Variants in GRID2 observed in about 807,000 individuals in gnomAD.
The protein encoded by GRID2 is glutamate ionotropic receptor delta type subunit 2.
GRID2 carries 33 observed loss-of-function variants against 114.8 expected under a neutral mutation model. The observed-to-expected ratio is 0.29, with a 90% confidence interval of 0.22 to 0.38. GRID2 has a LOEUF of 0.38. GRID2 is among the 10% of genes least tolerant of loss of function. The pLI, the probability that GRID2 is intolerant of heterozygous loss-of-function variation, is 1.00. For missense variants in GRID2, 1,184 were observed against 1,257.7 expected, an observed-to-expected ratio of 0.94 and a Z score of 0.89; for synonymous variants, 505 against 449.9, an observed-to-expected ratio of 1.12 and a Z score of -1.55.
chr4:92,548,488 G>A (rs912097505), intron 1 of GRID2, among the ~76,000 whole-genome samples: 5 of 136,398 alleles, frequency 3.7e-5, no homozygotes, highest in Non-Finnish European at 6.1e-5. Context: ...TGCAACCTCC[G>A]CCTGCCGGGT....
intron 13 of GRID2, among the ~76,000 whole-genome samples, chr4:93,563,143 GA>G (rs1221649984): frequency 2.6e-5 from 4 of 152,004 alleles, no homozygotes; most frequent in Admixed American, 1.3e-4. Flanking sequence ...GAAATACACT[GA>G]ATTATTAAAA....
chr4:92,594,517 G>A (rs1315966601), intron 2 of GRID2, among the ~76,000 whole-genome samples: 1 of 151,870 alleles, frequency 6.6e-6, no homozygotes, highest in Non-Finnish European at 1.5e-5. Flanking sequence ...TGTCCCTTTA[G>A]AGAAAGTTTC....
rs904327762 is a variant in GRID2 at position 92,590,206 on chromosome 4, A to C, written c.164A>C (p.Glu55Ala). Reference sequence around the variant, plus strand: ...GCGGTTGGTGACCTTAACCAGAATGAGGAGATCTTACAGACTGAGAAAATC... The same window carrying C: ...GCGGTTGGTGACCTTAACCAGAATGCGGAGATCTTACAGACTGAGAAAATC... ...RTAVGDLNQNEEILQTEKITF... is the reference protein window; with the variant it reads ...RTAVGDLNQNAEILQTEKITF... Residue 55 changes from glutamate (E) to alanine (A), a missense_variant, in exon 2 of 16, where the codon GAG becomes GCG. This residue lies in a region of GRID2 where 455 missense variants were observed against 429.5 expected (regional missense o/e 1.06). Coordinates refer to ENST00000282020, the MANE Select transcript of GRID2 (RefSeq NM_001510.4). 1 of 1,611,454 alleles carries C rather than the reference A, an allele frequency of 6.2e-7. No homozygotes were observed. Among genetic ancestry groups the C allele is most frequent in the Non-Finnish European group, 8.5e-7 (1 of 1,177,682 alleles).
At chr4:92,831,126 A>AT (rs532111910) in intron 2 of GRID2, among the ~76,000 whole-genome samples, 182 of 152,276 alleles carry the variant, frequency 1.2e-3, no homozygotes, top group Non-Finnish European at 2.2e-3. Context: ...AGATTCTAGG[A>AT]TTTTTTCCCA....
At chr4:93,802,475 A>G (rs1734952254) in intron 1 of GRID2, among the ~76,000 whole-genome samples, 1 of 152,142 alleles carries the variant, frequency 6.6e-6, no homozygotes, top group African/African-American at 2.4e-5. Context: ...ATGAGGTGTT[A>G]CTAGTACCTC....
chr4:92,529,438 C>G (rs1055622051), intron 1 of GRID2, among the ~76,000 whole-genome samples: 2 of 152,024 alleles, frequency 1.3e-5, no homozygotes, highest in African/African-American at 4.8e-5. Flanking sequence ...CATTGAATAG[C>G]TGAATTTGAA....
At chr4:92,724,624 G>A (rs188251157) in intron 2 of GRID2, among the ~76,000 whole-genome samples, 1 of 152,224 alleles carries the variant, frequency 6.6e-6, no homozygotes, top group African/African-American at 2.4e-5. Flanking sequence ...ATAGACAAAA[G>A]CACAAATGTG....
chr4:92,739,036 A>T (rs1163484718), intron 2 of GRID2, among the ~76,000 whole-genome samples: 3 of 152,178 alleles, frequency 2.0e-5, no homozygotes, highest in Admixed American at 6.6e-5. Flanking sequence ...AAAAACAGGA[A>T]AACAGATATT....
chr4:92,993,753 AC>A (rs1313604362), intron 2 of GRID2, among the ~76,000 whole-genome samples: 1 of 152,204 alleles, frequency 6.6e-6, no homozygotes, highest in Non-Finnish European at 1.5e-5. Context: ...TACTTGTTCA[AC>A]ACTATTTGTT....
intron 4 of GRID2, among the ~76,000 whole-genome samples, chr4:93,145,132 C>G (rs1221411136): frequency 6.6e-6 from 1 of 152,190 alleles, no homozygotes; most frequent in East Asian, 1.9e-4. Flanking sequence ...GTTGCAGTCT[C>G]AGAGAGACCC....
At chr4:93,659,075 G>A (rs547490473) in intron 14 of GRID2, among the ~76,000 whole-genome samples, 19 of 152,140 alleles carry the variant, frequency 1.2e-4, no homozygotes, top group South Asian at 4.2e-4. Flanking sequence ...ACAGTCTAGC[G>A]TAGCAATTTA....
At chr4:93,628,056 CTCA>C (rs1742886964) in intron 14 of GRID2, among the ~76,000 whole-genome samples, 1 of 152,130 alleles carries the variant, frequency 6.6e-6, no homozygotes, top group South Asian at 2.1e-4. Flanking sequence ...TGCCTGTAAT[CTCA>C]GCTACTTGGG....
chr4:92,403,527 C>A (rs1192455991), intron 1 of GRID2, among the ~76,000 whole-genome samples: 1 of 151,738 alleles, frequency 6.6e-6, no homozygotes, highest in Non-Finnish European at 1.5e-5. Flanking sequence ...GGAACCCCAT[C>A]TCTACTAAAA....
chr4:92,402,860 C>T (rs913621362), intron 1 of GRID2, among the ~76,000 whole-genome samples: 9 of 152,194 alleles, frequency 5.9e-5, no homozygotes, highest in African/African-American at 1.7e-4. Context: ...TTCCCTCCAC[C>T]TATGAAAGTC....
intron 4 of GRID2, among the ~76,000 whole-genome samples, chr4:93,133,902 G>C (rs2149378391): frequency 6.6e-6 from 1 of 152,242 alleles, no homozygotes; most frequent in Admixed American, 6.5e-5. Flanking sequence ...CAAAGTAAAG[G>C]TTAAGGAATA....
intron 5 of GRID2, among the ~76,000 whole-genome samples, chr4:93,215,676 A>T (rs1461739990): frequency 6.6e-6 from 1 of 152,126 alleles, no homozygotes; most frequent in Non-Finnish European, 1.5e-5. Context: ...CTTCATAAAG[A>T]TCATATATAA....
intron 8 of GRID2, among the ~76,000 whole-genome samples, chr4:93,305,759 G>A (rs767504065): frequency 6.6e-6 from 1 of 152,184 alleles, no homozygotes; most frequent in Non-Finnish European, 1.5e-5. Flanking sequence ...TTATTAAATA[G>A]TTTGGATGGT....
chr4:92,446,674 C>T (rs1002279598), intron 1 of GRID2, among the ~76,000 whole-genome samples: 1 of 152,214 alleles, frequency 6.6e-6, no homozygotes, highest in Non-Finnish European at 1.5e-5. Flanking sequence ...TCCAGTGGCT[C>T]TAGCTCCACT....
intron 1 of GRID2, among the ~76,000 whole-genome samples, chr4:92,345,482 T>G (rs367580576): frequency 9.8e-5 from 15 of 152,348 alleles, no homozygotes; most frequent in African/African-American, 3.6e-4. Context: ...AGTAGTGGGA[T>G]AGCTGGATGG....
Sources: allele counts gnomAD v4.1 joint callset (sites outside exome capture counted in the v4.1 genomes callset), GRCh38; gene constraint gnomAD v4.1.1; regional missense constraint gnomAD v4.1.1; transcripts MANE v1.5; gene names NCBI Gene and HGNC (gene_info 2026-07-23, HGNC 2026-07-21).